LRRC49: variants seen among roughly 807,000 people sequenced by gnomAD.
LRRC49 encodes leucine rich repeat containing 49.
In LRRC49, 50 loss-of-function variants were observed where a neutral mutation model predicts 83.3. That is an observed-to-expected ratio of 0.60 (90% CI 0.48 to 0.76). LRRC49 has a LOEUF of 0.76. LRRC49 is among the 30% of genes least tolerant of loss of function. The pLI is 0.00. For synonymous variants in LRRC49, 286 were observed against 283.3 expected, an observed-to-expected ratio of 1.01 and a Z score of -0.10; for missense variants, 704 against 809.1, an observed-to-expected ratio of 0.87 and a Z score of 1.58.
intron 1 of LRRC49, among the ~76,000 whole-genome samples, chr15:70,858,055 C>A (rs977546546): frequency 1.2e-4 from 19 of 152,186 alleles, no homozygotes; most frequent in Admixed American, 3.9e-4. Context: ...GTTCCAAGAA[C>A]CTTCATACCA....
chr15:70,926,379 A>G (rs966625396), intron 7 of LRRC49, among the ~76,000 whole-genome samples: 2 of 152,156 alleles, frequency 1.3e-5, no homozygotes, highest in Non-Finnish European at 2.9e-5. Context: ...AAACATGGCC[A>G]TAGTTTTAAG....
chr15:70,986,499 T>G (rs2037624425), intron 11 of LRRC49, among the ~76,000 whole-genome samples: 1 of 152,222 alleles, frequency 6.6e-6, no homozygotes, highest in Non-Finnish European at 1.5e-5. Flanking sequence ...CCTGAGACAT[T>G]GCTGAAGTTG....
chr15:71,003,985 G>A (rs2038361681), intron 11 of LRRC49, among the ~76,000 whole-genome samples: 2 of 152,154 alleles, frequency 1.3e-5, no homozygotes, highest in South Asian at 4.1e-4. Context: ...TGTCTGAAGT[G>A]GGGCTTTGAG....
At chr15:70,862,642 G>C (rs2032821055) in intron 1 of LRRC49, among the ~76,000 whole-genome samples, 1 of 147,314 alleles carries the variant, frequency 6.8e-6, no homozygotes, top group Non-Finnish European at 1.5e-5. Flanking sequence ...TTAAGACCTA[G>C]ACATTAAGCA....
chr15:70,952,906 T>C (rs2036271327), intron 8 of LRRC49, among the ~76,000 whole-genome samples: 1 of 152,212 alleles, frequency 6.6e-6, no homozygotes, highest in Non-Finnish European at 1.5e-5. Flanking sequence ...TTTGTCCTTT[T>C]TGATCATTGT....
intron 1 of LRRC49, chr15:70,860,300 A>G: frequency 3.8e-6 from 2 of 531,596 alleles, no homozygotes; most frequent in Non-Finnish European, 6.7e-6. Context: ...CCCGCGGGGG[A>G]GTTTACTGCC....
At chr15:70,875,853 A>C (rs759659832) in intron 2 of LRRC49, among the ~76,000 whole-genome samples, 4 of 152,214 alleles carry the variant, frequency 2.6e-5, no homozygotes, top group Non-Finnish European at 4.4e-5. Context: ...GCCATGTCCC[A>C]ATAATTTTTT....
chr15:70,979,651 A>G (rs2037329102), intron 9 of LRRC49, among the ~76,000 whole-genome samples: 3 of 152,238 alleles, frequency 2.0e-5, no homozygotes, highest in African/African-American at 7.2e-5. Context: ...ATATAATTGG[A>G]GTTTTAAAAG....
At chr15:70,971,187 T>A (rs2036983654) in intron 9 of LRRC49, among the ~76,000 whole-genome samples, 3 of 152,224 alleles carry the variant, frequency 2.0e-5, no homozygotes, top group Admixed American at 2.0e-4. Context: ...GTGTCTTTTT[T>A]CTCATTGGTT....
intron 14 of LRRC49, among the ~76,000 whole-genome samples, chr15:71,025,995 T>A (rs917890160): frequency 3.9e-5 from 6 of 152,266 alleles, no homozygotes; most frequent in African/African-American, 1.4e-4. Flanking sequence ...TTTCAGAACT[T>A]GAACTCAGCT....
At chr15:70,854,411 C>T (rs1248439747) in intron 1 of LRRC49, among the ~76,000 whole-genome samples, 1 of 152,164 alleles carries the variant, frequency 6.6e-6, no homozygotes, top group Non-Finnish European at 1.5e-5. Context: ...CGCTGTGGGG[C>T]CCCAGCCCGA....
intron 14 of LRRC49, 146 bp from the exon 15 acceptor site, chr15:71,037,033 A>T: frequency 2.0e-6 from 1 of 502,084 alleles, no homozygotes; most frequent in Non-Finnish European, 3.5e-6. Context: ...GGGGTACCAG[A>T]CTGAACTCAA....
intron 8 of LRRC49, among the ~76,000 whole-genome samples, chr15:70,940,740 G>A (rs1156985738): frequency 2.0e-5 from 3 of 152,124 alleles, no homozygotes; most frequent in Non-Finnish European, 2.9e-5. Context: ...GATAACCAAT[G>A]ATATGCAAAT....
At chr15:71,031,394 G>C (rs1236453172) in intron 14 of LRRC49, among the ~76,000 whole-genome samples, 1 of 152,220 alleles carries the variant, frequency 6.6e-6, no homozygotes. Flanking sequence ...GCATTGGCCT[G>C]ATGCCAGCCA....
rs868166775 is a variant in LRRC49, at chr15:71,050,129, T to C, written c.*517T>C. Reference sequence around the variant, plus strand: ...CAGAATTGTCATATTTATTGTATGTTCCTCTTTAGTTAGGTACGGTTCCTG... The same window carrying C: ...CAGAATTGTCATATTTATTGTATGTCCCTCTTTAGTTAGGTACGGTTCCTG... On this transcript the variant is annotated 3_prime_UTR_variant, in exon 16 of 16. Transcript: ENST00000260382. 1 of 153,302 alleles carries C rather than the reference T, an allele frequency of 6.5e-6. No homozygotes were observed. Among genetic ancestry groups the C allele is most frequent in the Non-Finnish European group, 1.5e-5 (1 of 68,896 alleles). The allele number at this position is 153,302 out of a possible 1,614,324, so 9.5% of individuals were successfully genotyped here.
exon 2 of LRRC49, chr15:70,873,123 G>A: frequency 8.7e-7 from 1 of 1,155,778 alleles, no homozygotes; most frequent in South Asian, 1.3e-5. Context: ...GACCTCAAGT[G>A]ATCCACCCGC....
chr15:70,971,381 C>G (rs2036992594), intron 9 of LRRC49, among the ~76,000 whole-genome samples: 1 of 151,552 alleles, frequency 6.6e-6, no homozygotes, highest in Admixed American at 6.6e-5. Context: ...GCATGTTTTA[C>G]TTCCAATTAT....
In LRRC49 at chr15:70,881,821, A is replaced by G. The variant is rs1308774949; in HGVS notation, c.18+8598A>G. 4 of 152,252 alleles carry G rather than the reference A, an allele frequency of 2.6e-5. No homozygotes were observed. In the East Asian group the frequency reaches 7.7e-4, roughly 29 times the overall value. 9.4% of individuals were successfully genotyped at this position (152,252 alleles called of 1,614,324 possible). ...GCACTGATGCAAACAGATTTCATTA[A>G]TAAGTTAATGTAAGTATATGAAAAC... On this transcript the variant is annotated intron_variant, in intron 2 of 16. Transcript: ENST00000544974.
chr15:71,024,476 A>G (rs1268005976), intron 14 of LRRC49, among the ~76,000 whole-genome samples: 1 of 152,112 alleles, frequency 6.6e-6, no homozygotes, highest in African/African-American at 2.4e-5. Flanking sequence ...ACCCAGTTGA[A>G]TAGTGTCTGG....
Sources: allele counts gnomAD v4.1 joint callset (sites outside exome capture counted in the v4.1 genomes callset), GRCh38; gene constraint gnomAD v4.1.1; transcripts MANE v1.5; gene names NCBI Gene and HGNC (gene_info 2026-07-23, HGNC 2026-07-21).